The following CDH18 variants were observed in gnomAD, a reference collection of about 807,000 sequenced individuals.
CDH18 encodes cadherin-18.
Under a neutral mutation model 67.9 loss-of-function variants are expected in CDH18, and 31 were observed. The observed-to-expected ratio is 0.46, with a 90% confidence interval of 0.34 to 0.62. CDH18 has a LOEUF of 0.62. Ranked by LOEUF, CDH18 falls within the 20% of genes least tolerant of loss-of-function variation. The probability of loss-of-function intolerance (pLI) is 0.01; values close to 1 mark genes in which losing one functional copy is unlikely to be tolerated. For missense variants in CDH18, 890 were observed against 975.5 expected (o/e 0.91, Z 1.17); for synonymous variants, 362 against 347.2 (o/e 1.04, Z -0.48).
At chr5:20,083,866 A>T (rs1168528541) in intron 2 of CDH18, among the ~76,000 whole-genome samples, 1 of 152,130 alleles carries the variant, frequency 6.6e-6, no homozygotes, top group Admixed American at 6.6e-5. Flanking sequence ...CATGGGAAAG[A>T]CTTGCCCCCA....
At chr5:20,113,548 A>G (rs1747651700) in intron 2 of CDH18, among the ~76,000 whole-genome samples, 1 of 152,216 alleles carries the variant, frequency 6.6e-6, no homozygotes, top group Admixed American at 6.5e-5. Flanking sequence ...GCATGACAAT[A>G]AAGTAATAAA....
At chr5:20,118,862 G>A (rs777906956) in intron 2 of CDH18, among the ~76,000 whole-genome samples, 8 of 152,026 alleles carry the variant, frequency 5.3e-5, no homozygotes, top group South Asian at 2.1e-4. Context: ...CAACAGGCTC[G>A]TAAGTGCACT....
chr5:20,557,390 T>C (rs1394276741), intron 1 of CDH18, among the ~76,000 whole-genome samples: 1 of 151,962 alleles, frequency 6.6e-6, no homozygotes, highest in African/African-American at 2.4e-5. Flanking sequence ...AAAAAATAAA[T>C]AAAAATTAAA....
In CDH18 at chr5:19,482,489, T is replaced by C. The variant is rs199593069; in HGVS notation, c.1882+812A>G. Among the ~76,000 whole-genome samples, 10 of 152,326 alleles carry C rather than the reference T, an allele frequency of 6.6e-5. No homozygotes were observed. The East Asian group carries it at 1.7e-3, about 26-fold the overall frequency. On this transcript the variant is annotated intron_variant, in intron 12 of 12. Transcript: ENST00000382275. ...TATCCCTCTAAGACCAAAAAATATT[T>C]AGTCAGTATGTTAATAACTAGCTAA... is the stretch of plus-strand genomic sequence containing the variant.
intron 5 of CDH18, among the ~76,000 whole-genome samples, chr5:19,625,277 T>A (rs2150156763): frequency 6.6e-6 from 1 of 152,246 alleles, no homozygotes; most frequent in South Asian, 2.1e-4. Context: ...TACATTAATT[T>A]CTTATTTTCA....
intron 2 of CDH18, among the ~76,000 whole-genome samples, chr5:20,002,867 T>C (rs907454531): frequency 2.0e-5 from 3 of 149,216 alleles, no homozygotes; most frequent in African/African-American, 7.4e-5. Context: ...AATCAGAGCC[T>C]AGAGATAAAG....
Position 19,571,770 on chromosome 5 carries a change from A to G in CDH18, c.1062T>C (p.Leu354=), listed in dbSNP as rs768034523. The change falls in exon 8 of 13, where the codon CTT becomes CTC. Residue 354 remains leucine (L), a synonymous_variant. Coordinates refer to ENST00000382275, the MANE Select transcript of CDH18 (RefSeq NM_004934.5). ...TLNIEGANTH[L]DFRFSHLGPF... is the part of the protein sequence containing the mutation. ...GACCCAAGTGAGAAAAGCGAAAATCAAGATGTGTATTTGCTCCTTCTATGT... is the reference window on the plus strand; with the variant it reads ...GACCCAAGTGAGAAAAGCGAAAATCGAGATGTGTATTTGCTCCTTCTATGT... 5 of 1,613,736 alleles carry G rather than the reference A, an allele frequency of 3.1e-6. No homozygotes were observed. The East Asian group carries it at 1.1e-4, about 36-fold the overall frequency.
At chr5:19,514,843 T>C (rs1004110018) in intron 10 of CDH18, among the ~76,000 whole-genome samples, 1 of 152,224 alleles carries the variant, frequency 6.6e-6, no homozygotes, top group African/African-American at 2.4e-5. Flanking sequence ...TGAAGGTTTT[T>C]AGTTTAATTA....
chr5:20,267,779 CA>C (rs1414549508), intron 1 of CDH18, among the ~76,000 whole-genome samples: 9 of 152,230 alleles, frequency 5.9e-5, no homozygotes, highest in Non-Finnish European at 1.0e-4. Context: ...ATTTATTTAT[CA>C]AATCTGTCAA....
At chr5:19,928,510 G>A (rs1793328385) in intron 2 of CDH18, among the ~76,000 whole-genome samples, 1 of 152,038 alleles carries the variant, frequency 6.6e-6, no homozygotes, top group South Asian at 2.1e-4. Context: ...CATCCTGAAA[G>A]TTCTATCAGT....
intron 2 of CDH18, among the ~76,000 whole-genome samples, chr5:20,024,697 G>C (rs573408200): frequency 1.3e-5 from 2 of 152,146 alleles, no homozygotes; most frequent in African/African-American, 2.4e-5. Context: ...TCATTCACTT[G>C]CCTAAAGGGT....
chr5:19,914,322 A>G (rs1257393039), intron 2 of CDH18, among the ~76,000 whole-genome samples: 1 of 152,068 alleles, frequency 6.6e-6, no homozygotes, highest in Admixed American at 6.6e-5. Context: ...CAACTGTATA[A>G]AGTTATATAC....
intron 2 of CDH18, among the ~76,000 whole-genome samples, chr5:20,240,732 C>G (rs1742833763): frequency 6.6e-6 from 1 of 152,178 alleles, no homozygotes; most frequent in African/African-American, 2.4e-5. Context: ...GCTAGACGCT[C>G]TACCCAGTGA....
intron 3 of CDH18, among the ~76,000 whole-genome samples, chr5:19,814,631 T>TA (rs1294333514): frequency 6.6e-6 from 1 of 151,980 alleles, no homozygotes; most frequent in African/African-American, 2.4e-5. Context: ...TTTTATCAAT[T>TA]AAAAAATAAA....
rs142777806 is a variant in CDH18 at position 20,102,944 on chromosome 5, G to A, written c.-517-110930C>T. Reference sequence around the variant, plus strand: ...CCTAATAAGTTTTTTAGTCTTTAGTGTTCTGTAATAAAACACACATAACAA... The same window carrying A: ...CCTAATAAGTTTTTTAGTCTTTAGTATTCTGTAATAAAACACACATAACAA... On this transcript the variant is annotated intron_variant, in intron 2 of 14. Transcript: ENST00000507958. Among the ~76,000 whole-genome samples the A allele has an allele frequency of 9.3e-4, 141 of 152,204 alleles. 2 individuals carry two copies. Among genetic ancestry groups the A allele is most frequent in the Middle Eastern group, 6.8e-3 (2 of 294 alleles).
At chr5:20,527,926 G>A (rs909173824) in intron 1 of CDH18, among the ~76,000 whole-genome samples, 1 of 152,220 alleles carries the variant, frequency 6.6e-6, no homozygotes, top group East Asian at 1.9e-4. Context: ...ATCCTTTGAT[G>A]TAAATGAGCT....
intron 5 of CDH18, among the ~76,000 whole-genome samples, chr5:19,658,763 T>A (rs988961166): frequency 2.6e-5 from 4 of 152,064 alleles, no homozygotes; most frequent in Admixed American, 2.6e-4. Context: ...TAACTCATCA[T>A]TTAACATTAG....
chr5:20,570,093 T>G (rs977868141), intron 1 of CDH18, among the ~76,000 whole-genome samples: 1 of 152,178 alleles, frequency 6.6e-6, no homozygotes, highest in African/African-American at 2.4e-5. Context: ...TCTGATACTA[T>G]AAACGTGGAT....
intron 1 of CDH18, among the ~76,000 whole-genome samples, chr5:20,300,534 A>G (rs1013195662): frequency 6.6e-6 from 1 of 152,090 alleles, no homozygotes; most frequent in African/African-American, 2.4e-5. Flanking sequence ...TACTGTTCAT[A>G]AAAGGTGAGA....
Sources: allele counts gnomAD v4.1 joint callset (sites outside exome capture counted in the v4.1 genomes callset), GRCh38; gene constraint gnomAD v4.1.1; transcripts MANE v1.5; gene names NCBI Gene and HGNC (gene_info 2026-07-23, HGNC 2026-07-21).